STK24: variants seen among roughly 807,000 people sequenced by gnomAD.
The protein encoded by STK24 is serine/threonine kinase 24.
Under a neutral mutation model 55.6 loss-of-function variants are expected in STK24, and 21 were observed. The ratio of observed to expected loss-of-function variants is 0.38; its 90% CI spans 0.27 to 0.54. STK24 has a LOEUF of 0.54. Ranked by LOEUF, STK24 falls within the 20% of genes least tolerant of loss-of-function variation. The pLI is 0.79. For missense variants in STK24, 383 were observed against 538.4 expected (o/e 0.71, Z 2.86); for synonymous variants, 200 against 215.2 (o/e 0.93, Z 0.62).
rs1049983859 is a variant in STK24, at chr13:98,563,920, A to C, written c.42+12825T>G. Among the ~76,000 whole-genome samples, 38 of 152,124 alleles carry C rather than the reference A, an allele frequency of 2.5e-4. 1 individual carries two copies. Among genetic ancestry groups the C allele is most frequent in the African/African-American group, 8.9e-4 (37 of 41,412 alleles). On this transcript the variant is annotated intron_variant, in intron 1 of 10. Coordinates refer to ENST00000539966, the MANE Select transcript of STK24 (RefSeq NM_001032296.4). ...ATGAATTGTAACAAGCCTCAGAAAA[A>C]CTACAATGCACTTAAAACCAAAAGC...
At position 98,482,974 on chromosome 13, in the gene STK24, C is replaced by T. The variant is rs527963897; in HGVS notation, c.274-653G>A. 8.5e-5 allele frequency among the ~76,000 whole-genome samples: 13 copies of T among 152,346 alleles called. No individual in the cohort carries two copies. In the East Asian group the frequency reaches 9.7e-4, roughly 11 times the overall value. ...GCATGTCTGTGTCCTCTCAAGGCCC[C>T]GGCTCTCACAGTCCCCAGCTCTGCG... On this transcript the variant is annotated intron_variant, in intron 2 of 10. Transcript: ENST00000539966.
At chr13:98,482,060 C>G (rs1259589482) in intron 3 of STK24, among the ~76,000 whole-genome samples, 1 of 145,000 alleles carries the variant, frequency 6.9e-6, no homozygotes, top group Non-Finnish European at 1.5e-5. Context: ...GGGCAAGACT[C>G]TATCTCAAAA....
chr13:98,469,541 C>CGG (rs570400434), intron 5 of STK24, among the ~76,000 whole-genome samples: 1 of 135,670 alleles, frequency 7.4e-6, no homozygotes, highest in Admixed American at 7.1e-5. Context: ...GCATCCCCCC[C>CGG]CCCAAAAAAA....
intron 2 of STK24, among the ~76,000 whole-genome samples, chr13:98,496,626 T>TA (rs1395037917): frequency 1.3e-5 from 2 of 152,144 alleles, no homozygotes; most frequent in African/African-American, 4.8e-5. Context: ...TTCAATGCAA[T>TA]AAAAATCCAA....
intron 1 of STK24, among the ~76,000 whole-genome samples, chr13:98,558,713 A>AAT (rs968891980): frequency 2.0e-4 from 31 of 152,344 alleles, no homozygotes; most frequent in African/African-American, 7.2e-4. Context: ...TCTATACGAA[A>AAT]ATATGCAGGC....
rs1176069829 is a variant in STK24, at chr13:98,448,121, C to T, written c.*5052G>A. 2 of 840,496 alleles carry T rather than the reference C, an allele frequency of 2.4e-6. No homozygotes were observed. The highest frequency in any genetic ancestry group is 1.7e-5 in the African/African-American group (1 of 60,324). The allele number at this position is 840,496 out of a possible 1,614,324, so 52.1% of individuals were successfully genotyped here. On this transcript the variant is annotated 3_prime_UTR_variant, in exon 11 of 11. Coordinates refer to ENST00000539966, the MANE Select transcript of STK24 (RefSeq NM_001032296.4). ...TTCCCTTGCTCTTCTGCTGAAGTGG[C>T]AGATTACCAACCAGGCGGCCTGACT...
At chr13:98,555,338 T>C (rs902727185) in intron 1 of STK24, among the ~76,000 whole-genome samples, 30 of 152,104 alleles carry the variant, frequency 2.0e-4, no homozygotes, top group African/African-American at 7.2e-4. Flanking sequence ...TCCCAGCTCT[T>C]TGGGAGGCCG....
chr13:98,488,796 C>T (rs1894906026), intron 2 of STK24, among the ~76,000 whole-genome samples: 1 of 152,128 alleles, frequency 6.6e-6, no homozygotes, highest in South Asian at 2.1e-4. Context: ...CACACGAACC[C>T]ACCAAGGTTA....
chr13:98,461,660 A>G (rs1380763223), intron 8 of STK24, 114 bp downstream of exon 8: 10 of 1,458,416 alleles, frequency 6.9e-6, no homozygotes, highest in Non-Finnish European at 9.4e-6. Context: ...ACAAAATTCC[A>G]GGACAGCTGC....
Position 98,446,650 on chromosome 13 carries a change from T to C in STK24, c.*6523A>G. 2 of 1,613,224 alleles carry C rather than the reference T, an allele frequency of 1.2e-6. No individual in the cohort carries two copies. Among genetic ancestry groups the C allele is most frequent in the Non-Finnish European group, 8.5e-7 (1 of 1,179,288 alleles). ...CTGACCCCGAAAAGCCACTTTGCTTTGTTTCCCCTTTCCAGGACAATCATC... is the reference window on the plus strand; with the variant it reads ...CTGACCCCGAAAAGCCACTTTGCTTCGTTTCCCCTTTCCAGGACAATCATC... On this transcript the variant is annotated 3_prime_UTR_variant, in exon 11 of 11. Coordinates refer to ENST00000539966, the MANE Select transcript of STK24 (RefSeq NM_001032296.4).
intron 1 of STK24, among the ~76,000 whole-genome samples, chr13:98,557,372 G>A (rs1374292923): frequency 1.3e-5 from 2 of 152,170 alleles, no homozygotes; most frequent in African/African-American, 2.4e-5. Flanking sequence ...CATCTTCCAT[G>A]CTAGTCATCA....
At chr13:98,561,000 C>A (rs1043059230) in intron 1 of STK24, among the ~76,000 whole-genome samples, 6 of 152,086 alleles carry the variant, frequency 3.9e-5, no homozygotes, top group Non-Finnish European at 8.8e-5. Flanking sequence ...AGAGCCTAGA[C>A]ACAGCCAGGA....
chr13:98,535,832 C>T (rs1182403061), intron 1 of STK24, among the ~76,000 whole-genome samples: 1 of 152,204 alleles, frequency 6.6e-6, no homozygotes, highest in Non-Finnish European at 1.5e-5. Flanking sequence ...ACCTAAGTGG[C>T]AAGGCTCATC....
At chr13:98,539,155 C>T (rs1448571830) in intron 1 of STK24, among the ~76,000 whole-genome samples, 2 of 152,216 alleles carry the variant, frequency 1.3e-5, no homozygotes, top group Non-Finnish European at 2.9e-5. Flanking sequence ...CCAGCTGTGC[C>T]GCCCTGAAGC....
chr13:98,466,492 G>A lies in STK24; in HGVS notation c.667C>T (p.His223Tyr). The A allele has an allele frequency of 6.2e-7, 1 of 1,614,140 alleles. No homozygotes were observed. Among genetic ancestry groups the A allele is most frequent in the Non-Finnish European group, 8.5e-7 (1 of 1,180,036 alleles). ...ARGEPPHSELHPMKVLFLIPK... is the reference protein window; with the variant it reads ...ARGEPPHSELYPMKVLFLIPK... ...ATGAGGAATAAAACTTTCATGGGGT[G>A]CAGCTCGGAATGAGGTGGTTCCCCT... Residue 223 changes from histidine to tyrosine, a missense_variant, in exon 6 of 11, where the codon CAC becomes TAC. By Grantham distance (83) the His-to-Tyr change is moderately conservative. Transcript: ENST00000539966.
chr13:98,544,878 C>T (rs1306492851), intron 1 of STK24, among the ~76,000 whole-genome samples: 1 of 152,106 alleles, frequency 6.6e-6, no homozygotes, highest in African/African-American at 2.4e-5. Flanking sequence ...AAATAAACAT[C>T]ACATTAAAAG....
chr13:98,542,131 C>T (rs1454295156), intron 1 of STK24, among the ~76,000 whole-genome samples: 2 of 152,164 alleles, frequency 1.3e-5, no homozygotes, highest in Admixed American at 6.5e-5. Context: ...ATTTACAAGA[C>T]TGCGTTATTT....
Position 98,481,460 on chromosome 13 carries a change from G to A in STK24, c.330+805C>T, listed in dbSNP as rs1408795125. On this transcript the variant is annotated intron_variant, in intron 3 of 10. Coordinates refer to ENST00000539966, the MANE Select transcript of STK24 (RefSeq NM_001032296.4). ...CCTGGGAGCGCTGGCAAGCAGGGAA[G>A]TGTGTGTTCCCCTTAGGCATGACCA... 2.0e-5 allele frequency among the ~76,000 whole-genome samples: 3 copies of A among 152,332 alleles called. No individual in the cohort carries two copies. The East Asian group carries it at 5.8e-4, about 29-fold the overall frequency.
At chr13:98,536,416 G>C (rs1220273718) in intron 1 of STK24, among the ~76,000 whole-genome samples, 1 of 151,596 alleles carries the variant, frequency 6.6e-6, no homozygotes, top group East Asian at 1.9e-4. Flanking sequence ...CCAGACAGGA[G>C]TGCAGTGGCA....
Sources: allele counts gnomAD v4.1 joint callset (sites outside exome capture counted in the v4.1 genomes callset), GRCh38; gene constraint gnomAD v4.1.1; transcripts MANE v1.5; gene names NCBI Gene and HGNC (gene_info 2026-07-23, HGNC 2026-07-21).